ENPEP: variants seen among roughly 807,000 people sequenced by gnomAD.
ENPEP encodes glutamyl aminopeptidase, also known as AP-A.
A neutral mutation model predicts 114.5 loss-of-function variants in ENPEP; 103 were observed. The ratio of observed to expected loss-of-function variants is 0.90; its 90% CI spans 0.77 to 1.06. The LOEUF is 1.06. ENPEP is among the 50% of genes least tolerant of loss of function. The pLI is 0.00. For missense variants in ENPEP, 1,196 were observed against 1,161.3 expected, an observed-to-expected ratio of 1.03 and a Z score of -0.43; for synonymous variants, 420 against 422.0, an observed-to-expected ratio of 1.00 and a Z score of 0.06.
intron 10 of ENPEP, among the ~76,000 whole-genome samples, chr4:110,529,152 A>G (rs1726309258): frequency 6.6e-6 from 1 of 152,184 alleles, no homozygotes; most frequent in African/African-American, 2.4e-5. Flanking sequence ...TAGAGAGGAT[A>G]GTCAAAATAG....
chr4:110,520,562 C>T (rs371315997), intron 10 of ENPEP, among the ~76,000 whole-genome samples, 196 bp downstream of exon 10: 11 of 152,080 alleles, frequency 7.2e-5, no homozygotes, highest in African/African-American at 1.9e-4. Flanking sequence ...CACATCCATC[C>T]GCATCCTGTT....
chr4:110,545,145 T>C (rs571620258), intron 13 of ENPEP, among the ~76,000 whole-genome samples: 41 of 152,146 alleles, frequency 2.7e-4, no homozygotes, highest in African/African-American at 9.6e-4. Context: ...GTTAAATAGG[T>C]GAGCAACTGT....
chr4:110,556,112 C>T (rs1727458326), intron 18 of ENPEP, among the ~76,000 whole-genome samples: 1 of 151,914 alleles, frequency 6.6e-6, no homozygotes. Context: ...TTATTAGCTG[C>T]AATTAGCAGA....
chr4:110,520,434 C>T lies in ENPEP; in HGVS notation c.1727+68C>T. 1.3e-6 allele frequency: 2 copies of T among 1,512,264 alleles called. 1 individual carries two copies. The allele number at this position is 1,512,264 out of a possible 1,614,324, so 93.7% of individuals were successfully genotyped here. A position where few individuals can be genotyped will look rare whatever the true frequency, so the allele number is the denominator to read the frequency against. ...AGAAATATTGGTAATTTGTTTATAT[C>T]CTATTGTTGAGTACATGATGGATGA... On this transcript the variant is annotated intron_variant, in intron 10 of 19. Transcript: ENST00000265162.
rs773384440 is a variant in ENPEP at position 110,542,764 on chromosome 4, C to T, written c.1821C>T (p.Asn607=). 3.3e-5 allele frequency: 53 copies of T among 1,611,126 alleles called. No homozygotes were observed. The highest frequency in any genetic ancestry group is 4.5e-5 in the Non-Finnish European group (53 of 1,178,344). Reference sequence around the variant, plus strand: ...TTACTACTACAGGAATCACTTTGAACTCCTCTAATCCTAGTGGAAATGCTT... The same window carrying T: ...TTACTACTACAGGAATCACTTTGAATTCCTCTAATCCTAGTGGAAATGCTT... ...NRSEKEGITL[N]SSNPSGNAFL... The change falls in exon 12 of 20, where the codon AAC becomes AAT. Residue 607 remains asparagine (N), a synonymous_variant. Coordinates refer to ENST00000265162, the MANE Select transcript of ENPEP (RefSeq NM_001977.4).
intron 1 of ENPEP, among the ~76,000 whole-genome samples, chr4:110,477,292 G>A (rs758288216): frequency 2.6e-5 from 4 of 152,162 alleles, no homozygotes; most frequent in Non-Finnish European, 4.4e-5. Context: ...AAAAGTCAGT[G>A]TAAGTCTTTT....
At position 110,542,847 on chromosome 4, in the gene ENPEP, C is replaced by G. The variant is rs2081682923; in HGVS notation, c.1904C>G (p.Thr635Ser). 1 of 1,613,088 alleles carries G rather than the reference C, an allele frequency of 6.2e-7. No individual in the cohort carries two copies. Among genetic ancestry groups the G allele is most frequent in the South Asian group, 1.1e-5 (1 of 91,052 alleles). ...GFYRVNYEVA[T>S]WDSIATALSL... Reference sequence around the variant, plus strand: ...TATCGTGTAAATTATGAAGTAGCAACTTGGGACTCGATAGCTACAGCGCTC... The same window carrying G: ...TATCGTGTAAATTATGAAGTAGCAAGTTGGGACTCGATAGCTACAGCGCTC... Residue 635 changes from threonine to serine, a missense_variant, in exon 12 of 20, where the codon ACT becomes AGT. Transcript: ENST00000265162.
In ENPEP at chr4:110,515,417, C is replaced by A. The variant is rs1225553777; in HGVS notation, c.1484C>A (p.Pro495Gln). 12 of 1,589,510 alleles carry A rather than the reference C, an allele frequency of 7.5e-6. No individual in the cohort carries two copies. Among genetic ancestry groups the A allele is most frequent in the African/African-American group, 2.7e-5 (2 of 72,862 alleles). ...AGAATGCTTGAAGACTGGATAAAAC[C>A]AGAGAATTTTCAAAAAGGATGTCAG... ...ILRMLEDWIK[P>Q]ENFQKGCQMY... The change falls in exon 8 of 20, where the codon CCA becomes CAA. Residue 495 changes from proline (P) to glutamine (Q), a missense_variant. Transcript: ENST00000265162.
At chr4:110,508,159 C>A (rs1725438008) in intron 4 of ENPEP, among the ~76,000 whole-genome samples, 1 of 151,884 alleles carries the variant, frequency 6.6e-6, no homozygotes, top group East Asian at 1.9e-4. Context: ...GCATTTTCAA[C>A]CCTCTCAGAA....
At chr4:110,552,708 G>A (rs528829737) in intron 17 of ENPEP, among the ~76,000 whole-genome samples, 121 of 152,142 alleles carry the variant, frequency 8.0e-4, no homozygotes, top group African/African-American at 2.8e-3. Context: ...GGCTAGAAAC[G>A]CTACTCTAGG....
In ENPEP at chr4:110,476,697, G is replaced by A; in HGVS notation, c.283G>A (p.Asp95Asn). Reference sequence around the variant, plus strand: ...ACAGTGGAAAAACTTTCGACTGCCGGACTTCGTCAACCCAGTCCACTACGA... The same window carrying A: ...ACAGTGGAAAAACTTTCGACTGCCGAACTTCGTCAACCCAGTCCACTACGA... ...SGQWKNFRLP[D>N]FVNPVHYDLH... is the part of the protein sequence containing the mutation. Residue 95 changes from aspartate to asparagine, a missense_variant, in exon 1 of 20, where the codon GAC becomes AAC. Asp to Asn is a conservative substitution (Grantham distance 23). Coordinates refer to ENST00000265162, the MANE Select transcript of ENPEP (RefSeq NM_001977.4). The A allele has an allele frequency of 6.2e-7, 1 of 1,613,828 alleles. No individual in the cohort carries two copies. The highest frequency in any genetic ancestry group is 8.5e-7 in the Non-Finnish European group (1 of 1,180,036).
chr4:110,486,502 A>G (rs1724503635), intron 1 of ENPEP, among the ~76,000 whole-genome samples: 1 of 152,038 alleles, frequency 6.6e-6, no homozygotes, highest in Non-Finnish European at 1.5e-5. Flanking sequence ...GGTTCCTTCT[A>G]CTTGAACATG....
At chr4:110,522,087 C>T (rs1206692729) in intron 10 of ENPEP, among the ~76,000 whole-genome samples, 1 of 152,076 alleles carries the variant, frequency 6.6e-6, no homozygotes, top group Non-Finnish European at 1.5e-5. Flanking sequence ...CCGAGTTGAC[C>T]AGGCTGGTCT....
In ENPEP at chr4:110,510,146, G is replaced by C. The variant is rs1165332571; in HGVS notation, c.1195-99G>C. 12 of 969,034 alleles carry C rather than the reference G, an allele frequency of 1.2e-5. No individual in the cohort carries two copies. The East Asian group carries it at 3.0e-4, about 24-fold the overall frequency. 60.0% of individuals were successfully genotyped at this position (969,034 alleles called of 1,614,324 possible). A position where few individuals can be genotyped will look rare whatever the true frequency, so the allele number is the denominator to read the frequency against. On this transcript the variant is annotated intron_variant, in intron 5 of 19. Coordinates refer to ENST00000265162, the MANE Select transcript of ENPEP (RefSeq NM_001977.4). ...CAATGCCTGCCACTTCTGTCACAGT[G>C]ACAACATTGGCACGGACAAATAAAT...
At chr4:110,499,655 T>TA (rs1168001444) in intron 3 of ENPEP, among the ~76,000 whole-genome samples, 1 of 152,212 alleles carries the variant, frequency 6.6e-6, no homozygotes, top group Non-Finnish European at 1.5e-5. Flanking sequence ...TAATCAGTGA[T>TA]ACTTCTGCAG....
Position 110,510,364 on chromosome 4 carries a change from T to C in ENPEP, c.1308+6T>C. On this transcript the variant is annotated splice_donor_region_variant and intron_variant, in intron 6 of 19. Coordinates refer to ENST00000265162, the MANE Select transcript of ENPEP (RefSeq NM_001977.4). ...CAGAAACAGACTGGCAAATGGTGAG[T>C]CCTAAACACATAAACTTGAAATCTC... 4 of 1,601,846 alleles carry C rather than the reference T, an allele frequency of 2.5e-6. No homozygotes were observed. Among genetic ancestry groups the C allele is most frequent in the South Asian group, 1.1e-5 (1 of 90,796 alleles).
intron 6 of ENPEP, among the ~76,000 whole-genome samples, chr4:110,510,660 A>G (rs17623034): frequency 0.11 from 16,683 of 151,928 alleles, 1,097 homozygotes; most frequent in Middle Eastern, 0.3. Flanking sequence ...TCTGTGTTCC[A>G]GAAAGTATCT....
chr4:110,559,832 T>A (rs1284452000), intron 19 of ENPEP, 107 bp downstream of exon 19: 2 of 871,648 alleles, frequency 2.3e-6, no homozygotes, highest in Admixed American at 4.3e-5. Context: ...ATGTGCAGGT[T>A]TGTTACGTAG....
At chr4:110,527,024 TC>T (rs1283209974) in intron 10 of ENPEP, among the ~76,000 whole-genome samples, 1 of 152,188 alleles carries the variant, frequency 6.6e-6, no homozygotes, top group Non-Finnish European at 1.5e-5. Context: ...CTTTATAGTC[TC>T]ATTTCATGAT....
Sources: allele counts gnomAD v4.1 joint callset (sites outside exome capture counted in the v4.1 genomes callset), GRCh38; gene constraint gnomAD v4.1.1; transcripts MANE v1.5; gene names NCBI Gene and HGNC (gene_info 2026-07-23, HGNC 2026-07-21).